Variants in PPP2R2A observed in about 807,000 individuals in gnomAD.
PPP2R2A encodes the protein serine/threonine-protein phosphatase 2A 55 kDa regulatory subunit B alpha isoform.
In PPP2R2A, 9 loss-of-function variants were observed where a neutral mutation model predicts 53.2. The observed-to-expected ratio is 0.17, with a 90% CI of 0.10 to 0.30. The LOEUF (loss-of-function observed/expected upper bound fraction) is 0.30. Ranked by LOEUF, PPP2R2A falls within the 10% of genes least tolerant of loss-of-function variation. PPP2R2A has a pLI of 1.00. For synonymous variants in PPP2R2A, 169 were observed against 174.2 expected, an observed-to-expected ratio of 0.97 and a Z score of 0.23; for missense variants, 235 against 534.6, an observed-to-expected ratio of 0.44 and a Z score of 5.53.
chr8:26,338,855 CTAA>C lies in PPP2R2A; in HGVS notation c.83-32_83-30del, dbSNP rs751865659. The C allele has an allele frequency of 6.9e-7, 1 of 1,443,956 alleles. No individual in the cohort carries two copies. Among genetic ancestry groups the C allele is most frequent in the Non-Finnish European group, 9.6e-7 (1 of 1,038,346 alleles). 89.4% of individuals were successfully genotyped at this position (1,443,956 alleles called of 1,614,324 possible). A position where few individuals can be genotyped will look rare whatever the true frequency, so the allele number is the denominator to read the frequency against. On this transcript the variant is annotated intron_variant, in intron 2 of 9. Transcript: ENST00000380737. The surrounding 1 kb of genome is among the most constrained non-coding windows in gnomAD (Gnocchi z 4.5). ...AAACTAGTGAGTCGGGAAAGAAAAACTAATATCTTTTTTTGTTTTGTCTCAATT... is the reference window on the plus strand; with the variant it reads ...AAACTAGTGAGTCGGGAAAGAAAAACTATCTTTTTTTGTTTTGTCTCAATT...
At chr8:26,355,518 A>G (rs1162656372) in intron 4 of PPP2R2A, among the ~76,000 whole-genome samples, 1 of 152,168 alleles carries the variant, frequency 6.6e-6, no homozygotes, top group Non-Finnish European at 1.5e-5. Context: ...TGCTGGGATT[A>G]CACGTGTGAG....
Position 26,321,701 on chromosome 8 carries a change from C to T in PPP2R2A, c.83-17189C>T, listed in dbSNP as rs1011356930. ...GCGCACGAGCTTGGAAGTAGATCTC[C>T]TCCTCCAGTCAGGCTTTCGGATACC... is the stretch of plus-strand genomic sequence containing the variant. On this transcript the variant is annotated intron_variant, in intron 2 of 9. Transcript: ENST00000380737. This position sits in a 1 kb window ranked among gnomAD's most constrained non-coding sequence, Gnocchi z 4.1. Among the ~76,000 whole-genome samples the T allele has an allele frequency of 6.6e-6, 1 of 152,176 alleles. No individual in the cohort carries two copies. The highest frequency in any genetic ancestry group is 6.5e-5 in the Admixed American group (1 of 15,272).
chr8:26,343,658 G>A (rs1157293452), intron 3 of PPP2R2A, among the ~76,000 whole-genome samples: 7 of 152,204 alleles, frequency 4.6e-5, no homozygotes, highest in African/African-American at 1.4e-4. Context: ...AGTGTTGAGC[G>A]TGAGCCACCG....
At chr8:26,342,925 C>T (rs929835270) in intron 3 of PPP2R2A, among the ~76,000 whole-genome samples, 39 of 152,130 alleles carry the variant, frequency 2.6e-4, no homozygotes, top group Admixed American at 2.6e-4. Flanking sequence ...GGGGCCGTGG[C>T]TGATGCCTGC....
rs1425883890 is a variant in PPP2R2A, at chr8:26,321,523, A to C, written c.83-17367A>C. On this transcript the variant is annotated intron_variant, in intron 2 of 9. Coordinates refer to ENST00000380737, the MANE Select transcript of PPP2R2A (RefSeq NM_002717.4). The surrounding 1 kb of genome is among the most constrained non-coding windows in gnomAD (Gnocchi z 4.1). ...GGGATGCTGCTTCAGAGGTTAGGTT[A>C]CAGAAAGGTTTTGGCATCCATGTTG... Among the ~76,000 whole-genome samples the C allele has an allele frequency of 6.6e-6, 1 of 152,178 alleles. No homozygotes were observed. The highest frequency in any genetic ancestry group is 1.5e-5 in the Non-Finnish European group (1 of 68,022).
In PPP2R2A at chr8:26,367,312, GA is replaced by G. The variant is rs1028306816; in HGVS notation, c.1064+914del. On this transcript the variant is annotated intron_variant, in intron 9 of 9. Coordinates refer to ENST00000380737, the MANE Select transcript of PPP2R2A (RefSeq NM_002717.4). ...AAGAAGAAAGAAGGAAAGGGAAGAA[GA>G]AAAAAAAGATTAACAAATTTGAAGA... Among the ~76,000 whole-genome samples, 6 of 151,816 alleles carry G rather than the reference GA, an allele frequency of 4.0e-5. No individual in the cohort carries two copies. In the East Asian group the frequency reaches 5.8e-4, roughly 15 times the overall value.
intron 2 of PPP2R2A, among the ~76,000 whole-genome samples, chr8:26,333,029 T>G (rs563270501): frequency 1.4e-4 from 21 of 152,366 alleles, no homozygotes; most frequent in African/African-American, 4.8e-4. Context: ...ACAGTGATGT[T>G]ATAAAGATTA....
intron 3 of PPP2R2A, among the ~76,000 whole-genome samples, chr8:26,353,296 T>C (rs1459389685): frequency 6.6e-6 from 1 of 152,204 alleles, no homozygotes; most frequent in African/African-American, 2.4e-5. Context: ...ACTTGCCCTC[T>C]AATAACTGAT....
intron 2 of PPP2R2A, among the ~76,000 whole-genome samples, chr8:26,320,577 T>C (rs1802785458): frequency 6.6e-6 from 1 of 152,192 alleles, no homozygotes; most frequent in Admixed American, 6.5e-5. Flanking sequence ...CATGCAGTTG[T>C]AGGTACTTCT....
chr8:26,303,168 A>G (rs1801865094), intron 2 of PPP2R2A, among the ~76,000 whole-genome samples: 1 of 152,220 alleles, frequency 6.6e-6, no homozygotes, highest in Non-Finnish European at 1.5e-5. Context: ...ATACCAAATT[A>G]GATCTGCCTT....
chr8:26,361,922 T>G (rs993152970), intron 6 of PPP2R2A, among the ~76,000 whole-genome samples: 1 of 150,858 alleles, frequency 6.6e-6, no homozygotes, highest in African/African-American at 2.4e-5. Context: ...GATTGTGCCA[T>G]TGCACTCCAG....
chr8:26,355,400 C>T (rs530125927), intron 4 of PPP2R2A, among the ~76,000 whole-genome samples: 3 of 152,254 alleles, frequency 2.0e-5, no homozygotes, highest in East Asian at 3.9e-4. Flanking sequence ...CCACCACACC[C>T]GGCTAATTTT....
intron 3 of PPP2R2A, among the ~76,000 whole-genome samples, chr8:26,348,923 A>G (rs1210750964): frequency 6.6e-6 from 1 of 152,098 alleles, no homozygotes. Flanking sequence ...TGTACATATC[A>G]CTTTGTAATG....
chr8:26,346,014 C>CT (rs1804194320), intron 3 of PPP2R2A, among the ~76,000 whole-genome samples: 1 of 151,778 alleles, frequency 6.6e-6, no homozygotes, highest in Non-Finnish European at 1.5e-5. Context: ...CTTTTGTTCC[C>CT]TTTTAAATTT....
At chr8:26,312,502 C>T (rs956904788) in intron 2 of PPP2R2A, among the ~76,000 whole-genome samples, 2 of 152,152 alleles carry the variant, frequency 1.3e-5, no homozygotes, top group East Asian at 1.9e-4. Context: ...AATTTTTTTA[C>T]TCAGCATTTT....
intron 1 of PPP2R2A, chr8:26,292,523 T>G: frequency 1.2e-6 from 1 of 841,704 alleles, no homozygotes; most frequent in Non-Finnish European, 1.4e-6. Context: ...CCCAAAAGGG[T>G]TTGGTAGAGT....
At chr8:26,333,826 C>T (rs1390750904) in intron 2 of PPP2R2A, among the ~76,000 whole-genome samples, 1 of 152,142 alleles carries the variant, frequency 6.6e-6, no homozygotes, top group Non-Finnish European at 1.5e-5. Context: ...TTCCCACTAC[C>T]AATTGCTCTT....
In PPP2R2A at chr8:26,310,280, C is replaced by CAA. The variant is rs1166591932; in HGVS notation, c.82+16558_82+16559dup. Among the ~76,000 whole-genome samples the CAA allele has an allele frequency of 1.9e-3, 53 of 27,534 alleles. 1 individual carries two copies. The highest frequency in any genetic ancestry group is 4.0e-3 in the African/African-American group (30 of 7,582). The allele number at this position is 27,534 out of a possible 152,430, so 18.1% of individuals were successfully genotyped here. On this transcript the variant is annotated intron_variant, in intron 2 of 9. Transcript: ENST00000380737. ...TGGGCGACTGAGCAAGACTCCCTCT[C>CAA]AAAAAAAAAAAAAAAAAAACACAGT...
At chr8:26,337,505 A>G (rs1803724906) in intron 2 of PPP2R2A, among the ~76,000 whole-genome samples, 2 of 152,198 alleles carry the variant, frequency 1.3e-5, no homozygotes, top group Admixed American at 6.5e-5. Flanking sequence ...GGGACTTTGT[A>G]TATTTTTAAT....
Sources: allele counts gnomAD v4.1 joint callset (sites outside exome capture counted in the v4.1 genomes callset), GRCh38; gene constraint gnomAD v4.1.1; non-coding constraint Gnocchi (gnomAD v3.1); transcripts MANE v1.5; gene names NCBI Gene and HGNC (gene_info 2026-07-23, HGNC 2026-07-21).